Variants in MTUS2 observed in about 807,000 individuals in gnomAD.
MTUS2 encodes microtubule-associated tumor suppressor candidate 2.
Under a neutral mutation model 114.1 loss-of-function variants are expected in MTUS2, and 40 were observed. The observed-to-expected ratio is 0.35, with a 90% CI of 0.27 to 0.46. MTUS2 has a LOEUF of 0.46. Ranked by LOEUF, MTUS2 falls within the 20% of genes least tolerant of loss-of-function variation. The pLI is 1.00. For synonymous variants in MTUS2, 688 were observed against 672.0 expected (o/e 1.02, Z -0.37); for missense variants, 1,679 against 1,705.4 (o/e 0.98, Z 0.27).
At chr13:29,039,502 C>T (rs1324934083) in intron 4 of MTUS2, among the ~76,000 whole-genome samples, 3 of 152,236 alleles carry the variant, frequency 2.0e-5, no homozygotes, top group African/African-American at 7.2e-5. Flanking sequence ...CCCAGACCAT[C>T]TGGGGGACCG....
intron 5 of MTUS2, among the ~76,000 whole-genome samples, chr13:29,197,197 G>T (rs1593588742): frequency 6.6e-6 from 1 of 151,828 alleles, no homozygotes; most frequent in Non-Finnish European, 1.5e-5. Flanking sequence ...TTAGGTATTT[G>T]TCCTAATGAT....
At chr13:29,020,105 C>T (rs1429719706) in intron 2 of MTUS2, among the ~76,000 whole-genome samples, 1 of 152,206 alleles carries the variant, frequency 6.6e-6, no homozygotes, top group Non-Finnish European at 1.5e-5. Flanking sequence ...TTAGAAGACT[C>T]TTAAGCATCA....
chr13:29,055,972 T>C (rs1888116425), intron 4 of MTUS2, among the ~76,000 whole-genome samples: 1 of 152,164 alleles, frequency 6.6e-6, no homozygotes, highest in Non-Finnish European at 1.5e-5. Flanking sequence ...CTTTGTAGGA[T>C]GCATAGTTTG....
chr13:29,110,951 T>G (rs2138862011), intron 5 of MTUS2, among the ~76,000 whole-genome samples: 1 of 152,308 alleles, frequency 6.6e-6, no homozygotes, highest in East Asian at 1.9e-4. Flanking sequence ...ACCCAGCATT[T>G]TCAATAATGG....
At chr13:29,059,453 A>G (rs866728340) in intron 4 of MTUS2, among the ~76,000 whole-genome samples, 1 of 152,040 alleles carries the variant, frequency 6.6e-6, no homozygotes, top group East Asian at 1.9e-4. Flanking sequence ...AATCAGCCCT[A>G]ATCTACTCTC....
intron 8 of MTUS2, among the ~76,000 whole-genome samples, chr13:29,398,156 G>T (rs1044889981): frequency 6.6e-6 from 1 of 152,020 alleles, no homozygotes; most frequent in Non-Finnish European, 1.5e-5. Flanking sequence ...AATTTAAAAG[G>T]TCATGCTGAA....
chr13:28,825,640 C>T (rs1420418850), intron 1 of MTUS2, among the ~76,000 whole-genome samples: 1 of 152,084 alleles, frequency 6.6e-6, no homozygotes, highest in Non-Finnish European at 1.5e-5. Flanking sequence ...GTGAAGAAAC[C>T]ATTGGGGAGC....
At chr13:29,224,458 C>T (rs1367590297) in intron 5 of MTUS2, among the ~76,000 whole-genome samples, 2 of 151,690 alleles carry the variant, frequency 1.3e-5, no homozygotes, top group Non-Finnish European at 2.9e-5. Flanking sequence ...CAGAGTTAAT[C>T]CCATCTGGAC....
intron 5 of MTUS2, among the ~76,000 whole-genome samples, chr13:29,139,335 G>A (rs1181565540): frequency 6.6e-6 from 1 of 152,066 alleles, no homozygotes; most frequent in Non-Finnish European, 1.5e-5. Context: ...ATGCATTTCT[G>A]TTTTCCTCTA....
chr13:29,391,105 T>C (rs1873425441), intron 8 of MTUS2, among the ~76,000 whole-genome samples: 1 of 150,252 alleles, frequency 6.7e-6, no homozygotes, highest in Non-Finnish European at 1.5e-5. Flanking sequence ...TTATTATTAT[T>C]TTGAGACAGA....
intron 8 of MTUS2, among the ~76,000 whole-genome samples, chr13:29,434,686 G>A (rs191386567): frequency 2.3e-4 from 35 of 152,282 alleles, no homozygotes; most frequent in African/African-American, 5.8e-4. Flanking sequence ...AAGGACAGGC[G>A]TTTTCACTTC....
intron 2 of MTUS2, among the ~76,000 whole-genome samples, chr13:28,986,809 A>G (rs1884608162): frequency 6.6e-6 from 1 of 152,330 alleles, no homozygotes; most frequent in East Asian, 1.9e-4. Flanking sequence ...GTAACTATTT[A>G]CATTACAATT....
chr13:29,141,712 A>C (rs1019396628), intron 5 of MTUS2, among the ~76,000 whole-genome samples: 1 of 152,222 alleles, frequency 6.6e-6, no homozygotes, highest in Non-Finnish European at 1.5e-5. Context: ...GGGATAAAGA[A>C]ATGTGGCATT....
intron 8 of MTUS2, among the ~76,000 whole-genome samples, chr13:29,380,260 C>G (rs1872102948): frequency 6.6e-6 from 1 of 152,224 alleles, no homozygotes. Context: ...TTGGGGAACA[C>G]TGGCTCAGAA....
rs1566172556 is a variant in MTUS2 at position 29,389,354 on chromosome 13, T to TACAC, written c.3117+29882_3117+29883insCACA. Among the ~76,000 whole-genome samples, 111 of 85,252 alleles carry TACAC rather than the reference T, an allele frequency of 1.3e-3. 15 individuals are homozygous for TACAC. Among genetic ancestry groups the TACAC allele is most frequent in the Non-Finnish European group, 2.0e-3 (82 of 41,886 alleles). 55.9% of individuals were successfully genotyped at this position (85,252 alleles called of 152,430 possible). ...GTATATATGTATGCACGTGTGTGTA[T>TACAC]ATATGTATGCACGTGTGTGTATATA... On this transcript the variant is annotated intron_variant, in intron 8 of 15. Transcript: ENST00000612955.
chr13:29,237,498 C>T (rs1374345218), intron 5 of MTUS2, among the ~76,000 whole-genome samples: 2 of 152,138 alleles, frequency 1.3e-5, no homozygotes, highest in Non-Finnish European at 2.9e-5. Flanking sequence ...TTCTCCAGGA[C>T]CTGCATGTCC....
chr13:29,419,532 A>G (rs893563323), intron 8 of MTUS2, among the ~76,000 whole-genome samples: 3 of 152,162 alleles, frequency 2.0e-5, no homozygotes, highest in African/African-American at 7.2e-5. Context: ...AGCAGAATCC[A>G]TGTCCTCAGT....
At chr13:29,214,994 C>T (rs926445097) in intron 5 of MTUS2, among the ~76,000 whole-genome samples, 1 of 151,948 alleles carries the variant, frequency 6.6e-6, no homozygotes, top group Non-Finnish European at 1.5e-5. Flanking sequence ...CTTTCAGGTA[C>T]ACCAATCAAA....
chr13:29,283,577 A>C (rs904539777), intron 6 of MTUS2, among the ~76,000 whole-genome samples: 3 of 152,190 alleles, frequency 2.0e-5, no homozygotes, highest in African/African-American at 7.2e-5. Context: ...CTCAAGCTTT[A>C]GTGTATCAGT....
Sources: gnomAD v4.1 joint callset for allele counts (sites outside exome capture counted in the v4.1 genomes callset) on GRCh38, gnomAD v4.1.1 for gene constraint, MANE v1.5 for transcripts, NCBI Gene and HGNC (gene_info 2026-07-23, HGNC 2026-07-21) for gene names.